CADM1: variants seen among roughly 807,000 people sequenced by gnomAD.
CADM1 encodes the protein cell adhesion molecule 1, also known as TSLC-1.
A neutral mutation model predicts 53.1 loss-of-function variants in CADM1; 15 were observed. The ratio of observed to expected loss-of-function variants is 0.28; its 90% CI spans 0.19 to 0.44. The LOEUF (loss-of-function observed/expected upper bound fraction) is 0.44, where lower values mean the gene tolerates loss of function less well. Among genes scored for constraint, CADM1 ranks in the 20% least tolerant of loss-of-function variants. The probability of loss-of-function intolerance (pLI) is 1.00; values close to 1 mark genes in which losing one functional copy is unlikely to be tolerated. For missense variants in CADM1, 434 were observed against 611.3 expected (o/e 0.71, Z 3.06); for synonymous variants, 281 against 243.0 (o/e 1.16, Z -1.45).
intron 1 of CADM1, among the ~76,000 whole-genome samples, chr11:115,279,172 C>G (rs1201222499): frequency 6.6e-6 from 1 of 152,182 alleles, no homozygotes; most frequent in Non-Finnish European, 1.5e-5. Flanking sequence ...CCTTTGTGGA[C>G]AGACCCTTTA....
chr11:115,291,885 T>A (rs896332878), intron 1 of CADM1, among the ~76,000 whole-genome samples: 2 of 152,214 alleles, frequency 1.3e-5, no homozygotes, highest in Non-Finnish European at 2.9e-5. Flanking sequence ...TCTTTTAAAT[T>A]TGGACTGACA....
At chr11:115,408,316 T>C (rs1347443908) in intron 1 of CADM1, among the ~76,000 whole-genome samples, 1 of 152,224 alleles carries the variant, frequency 6.6e-6, no homozygotes, top group Non-Finnish European at 1.5e-5. Flanking sequence ...TTCAAACAAT[T>C]TTTCCCCCAA....
rs185002712 is a variant in CADM1, at chr11:115,287,895, A to C, written c.125-47475T>G. ...CCAAGTCCTTGTCTTCAGGGAGCAT[A>C]TATCCTAAAGATGGGAGTCAGGCCA... On this transcript the variant is annotated intron_variant, in intron 1 of 11. Transcript: ENST00000331581. Among the ~76,000 whole-genome samples the C allele has an allele frequency of 5.8e-4, 88 of 152,320 alleles. 1 individual carries two copies. The highest frequency in any genetic ancestry group is 9.1e-4 in the Admixed American group (14 of 15,304).
At chr11:115,462,546 G>T (rs1251717929) in intron 1 of CADM1, among the ~76,000 whole-genome samples, 1 of 152,010 alleles carries the variant, frequency 6.6e-6, no homozygotes, top group Non-Finnish European at 1.5e-5. Flanking sequence ...ATCTCACACA[G>T]AATTAAAACA....
intron 8 of CADM1, among the ~76,000 whole-genome samples, 170 bp from the exon 9 acceptor site, chr11:115,198,608 C>T (rs1281485704): frequency 1.3e-5 from 2 of 152,192 alleles, no homozygotes; most frequent in Non-Finnish European, 1.5e-5. Context: ...AAGTGAGTTG[C>T]ACTGTTTTAA....
intron 1 of CADM1, among the ~76,000 whole-genome samples, chr11:115,310,643 C>T (rs566243831): frequency 6.6e-6 from 1 of 152,210 alleles, no homozygotes; most frequent in East Asian, 1.9e-4. Context: ...GACTGTGTGA[C>T]ACCTATGGCA....
chr11:115,204,000 T>A (rs1940560465), intron 8 of CADM1, among the ~76,000 whole-genome samples: 1 of 152,224 alleles, frequency 6.6e-6, no homozygotes, highest in Admixed American at 6.5e-5. Flanking sequence ...TTCTTGTCAC[T>A]AGGTATACTG....
chr11:115,203,138 G>A (rs561587264), intron 8 of CADM1, among the ~76,000 whole-genome samples: 50 of 149,874 alleles, frequency 3.3e-4, no homozygotes, highest in Non-Finnish European at 5.5e-4. Context: ...CAGCAGCAAC[G>A]GGGGATGATT....
At chr11:115,178,552 C>A in intron 11 of CADM1, 92 bp downstream of exon 11, 2 of 1,031,338 alleles carry the variant, frequency 1.9e-6, no homozygotes, top group Admixed American at 1.8e-5. Context: ...TGGCCACATA[C>A]ATCAAATTGC....
At chr11:115,434,860 A>AT (rs35368859) in intron 1 of CADM1, among the ~76,000 whole-genome samples, 49,483 of 131,182 alleles carry the variant, frequency 0.38, 11,107 homozygotes, top group Non-Finnish European at 0.53. Context: ...TATTATTATT[A>AT]TTATTTTTTT....
chr11:115,463,500 A>G (rs1426690745), intron 1 of CADM1, among the ~76,000 whole-genome samples: 1 of 152,168 alleles, frequency 6.6e-6, no homozygotes, highest in Non-Finnish European at 1.5e-5. Context: ...CAACAAAACA[A>G]CCTCAAAAGA....
At chr11:115,243,144 T>C (rs1942298914) in intron 1 of CADM1, among the ~76,000 whole-genome samples, 1 of 152,254 alleles carries the variant, frequency 6.6e-6, no homozygotes, top group African/African-American at 2.4e-5. Context: ...GTGTCACTAC[T>C]GAGTGAATCA....
chr11:115,434,405 T>TA (rs1451548773), intron 1 of CADM1, among the ~76,000 whole-genome samples: 4 of 152,362 alleles, frequency 2.6e-5, no homozygotes, highest in African/African-American at 9.6e-5. Context: ...GGCACCAAGC[T>TA]AAGTGCAGTT....
intron 8 of CADM1, among the ~76,000 whole-genome samples, chr11:115,200,884 TA>T (rs1407333449): frequency 2.6e-5 from 4 of 152,180 alleles, no homozygotes; most frequent in Non-Finnish European, 5.9e-5. Context: ...TCATCAAAAA[TA>T]ATATCAGCAT....
chr11:115,389,758 T>C (rs188261357), intron 1 of CADM1, among the ~76,000 whole-genome samples: 1 of 152,110 alleles, frequency 6.6e-6, no homozygotes, highest in Non-Finnish European at 1.5e-5. Flanking sequence ...AGATGGTTCA[T>C]GGATGATTTT....
At chr11:115,322,087 G>T (rs185414203) in intron 1 of CADM1, among the ~76,000 whole-genome samples, 78 of 152,280 alleles carry the variant, frequency 5.1e-4, no homozygotes, top group Admixed American at 1.0e-3. Flanking sequence ...TCAGATCAAT[G>T]ACAGGACAGC....
intron 1 of CADM1, among the ~76,000 whole-genome samples, chr11:115,459,095 G>T (rs1216600307): frequency 6.6e-6 from 1 of 152,164 alleles, no homozygotes; most frequent in Non-Finnish European, 1.5e-5. Flanking sequence ...CACCAGAGAA[G>T]AGTACACTGT....
intron 1 of CADM1, among the ~76,000 whole-genome samples, chr11:115,483,738 C>T (rs1344252343): frequency 6.6e-6 from 1 of 152,180 alleles, no homozygotes; most frequent in Non-Finnish European, 1.5e-5. Context: ...TAGAGCTATG[C>T]AGCCCTATAT....
At chr11:115,270,369 C>T (rs1257385099) in intron 1 of CADM1, among the ~76,000 whole-genome samples, 1 of 152,242 alleles carries the variant, frequency 6.6e-6, no homozygotes, top group Non-Finnish European at 1.5e-5. Flanking sequence ...TTGATTCAGC[C>T]CTCAATCTGC....
Sources: gnomAD v4.1 joint callset for allele counts (sites outside exome capture counted in the v4.1 genomes callset) on GRCh38, gnomAD v4.1.1 for gene constraint, MANE v1.5 for transcripts, NCBI Gene and HGNC (gene_info 2026-07-23, HGNC 2026-07-21) for gene names.